The following MSH3 variants were observed in gnomAD, a reference collection of about 807,000 sequenced individuals.
MSH3 encodes mutS homolog 3.
Under a neutral mutation model 123.3 loss-of-function variants are expected in MSH3, and 106 were observed. That is an observed-to-expected ratio of 0.86 (90% CI 0.73 to 1.01). The LOEUF is 1.01. Ranked by LOEUF, MSH3 falls within the 50% of genes least tolerant of loss-of-function variation. MSH3 has a pLI of 0.00. For synonymous variants in MSH3, 515 were observed against 481.4 expected (o/e 1.07, Z -0.91); for missense variants, 1,459 against 1,347.6 (o/e 1.08, Z -1.29).
chr5:80,831,691 C>CAAAA (rs201171665), intron 20 of MSH3, among the ~76,000 whole-genome samples: 3 of 122,710 alleles, frequency 2.4e-5, no homozygotes, highest in Non-Finnish European at 1.7e-5. Flanking sequence ...ATGTAATATC[C>CAAAA]AAAAAAAAAA....
chr5:80,656,014 T>C (rs1281212850), intron 1 of MSH3, among the ~76,000 whole-genome samples: 16 of 152,254 alleles, frequency 1.1e-4, no homozygotes, highest in Admixed American at 1.0e-3. Flanking sequence ...AATGATACTG[T>C]TCTTTTATTA....
At chr5:80,721,774 AATATT>A (rs1288282771) in intron 8 of MSH3, among the ~76,000 whole-genome samples, 1 of 152,232 alleles carries the variant, frequency 6.6e-6, no homozygotes, top group Admixed American at 6.5e-5. Flanking sequence ...ATTTCAATAA[AATATT>A]ATATCAAGGA....
intron 12 of MSH3, among the ~76,000 whole-genome samples, chr5:80,756,523 A>G (rs6151768): frequency 6.6e-6 from 1 of 152,124 alleles, no homozygotes; most frequent in Non-Finnish European, 1.5e-5. Flanking sequence ...TCTTTTATAG[A>G]CAATAGCTAA....
At chr5:80,696,567 C>CAA (rs1561447194) in intron 8 of MSH3, among the ~76,000 whole-genome samples, 1 of 152,140 alleles carries the variant, frequency 6.6e-6, no homozygotes, top group Non-Finnish European at 1.5e-5. Flanking sequence ...CTGGGGAACT[C>CAA]ACCGTCATAC....
At chr5:80,657,857 G>A (rs999630844) in intron 2 of MSH3, among the ~76,000 whole-genome samples, 5 of 136,414 alleles carry the variant, frequency 3.7e-5, no homozygotes, top group East Asian at 3.1e-4. Context: ...GCAAGGAGGC[G>A]TGACTTGAGA....
chr5:80,658,101 C>T (rs1256990730), intron 2 of MSH3, among the ~76,000 whole-genome samples: 1 of 141,530 alleles, frequency 7.1e-6, no homozygotes, highest in Non-Finnish European at 1.5e-5. Flanking sequence ...CTTGTGCAAT[C>T]TCAGCTCACT....
At chr5:80,741,233 G>T (rs1410616345) in intron 10 of MSH3, among the ~76,000 whole-genome samples, 3 of 147,432 alleles carry the variant, frequency 2.0e-5, no homozygotes, top group African/African-American at 5.0e-5. Context: ...TCCTGTTCTT[G>T]TTTTTTTTTT....
intron 8 of MSH3, among the ~76,000 whole-genome samples, chr5:80,712,922 C>T (rs1476539997): frequency 6.6e-6 from 1 of 152,018 alleles, no homozygotes; most frequent in African/African-American, 2.4e-5. Flanking sequence ...GATATTAAAG[C>T]CAGGTTACCT....
At position 80,757,300 on chromosome 5, in the gene MSH3, G is replaced by A. The variant is rs898636249; in HGVS notation, c.1764-4246G>A. 5.3e-5 allele frequency among the ~76,000 whole-genome samples: 8 copies of A among 151,900 alleles called. 1 individual carries two copies. Among genetic ancestry groups the A allele is most frequent in the Non-Finnish European group, 1.5e-5 (1 of 67,964 alleles). On this transcript the variant is annotated intron_variant, in intron 12 of 23. Coordinates refer to ENST00000265081, the MANE Select transcript of MSH3 (RefSeq NM_002439.5). ...AATTGTTGGCTGTAGTCACCCTGTTGCACTCTCAAATACTAGATCTTATTC... is the reference window on the plus strand; with the variant it reads ...AATTGTTGGCTGTAGTCACCCTGTTACACTCTCAAATACTAGATCTTATTC...
intron 3 of MSH3, among the ~76,000 whole-genome samples, chr5:80,669,321 G>A (rs1320851726): frequency 6.6e-6 from 1 of 152,066 alleles, no homozygotes; most frequent in African/African-American, 2.4e-5. Context: ...TTCATTGTAG[G>A]GGGAGCTGGG....
intron 8 of MSH3, among the ~76,000 whole-genome samples, chr5:80,705,703 T>C (rs964712634): frequency 1.3e-5 from 2 of 152,322 alleles, no homozygotes; most frequent in African/African-American, 4.8e-5. Flanking sequence ...TTGAGGACTG[T>C]GAAGGAAGGA....
intron 8 of MSH3, among the ~76,000 whole-genome samples, chr5:80,687,289 G>A (rs1677630): frequency 0.25 from 38,317 of 152,082 alleles, 4,941 homozygotes; most frequent in Middle Eastern, 0.32. Context: ...CAATAGTCTC[G>A]AGCCCTTTAT....
rs745850629 is a variant in MSH3, at chr5:80,725,543, A to C, written c.1431A>C (p.Ala477=). 1.2e-5 allele frequency: 19 copies of C among 1,613,078 alleles called. No homozygotes were observed. Among genetic ancestry groups the C allele is most frequent in the Middle Eastern group, 1.6e-4 (1 of 6,074 alleles). Residue 477 remains alanine, a synonymous_variant, in exon 9 of 24, where the codon GCA becomes GCC. Coordinates refer to ENST00000265081, the MANE Select transcript of MSH3 (RefSeq NM_002439.5). The part of the protein sequence containing the change: ...HAFQAVTEFY[A]KDTVDIKGSQ... Reference sequence around the variant, plus strand: ...TCCAGGCAGTTACAGAGTTTTATGCAAAAGATACAGTTGACATCAAAGGTA... The same window carrying C: ...TCCAGGCAGTTACAGAGTTTTATGCCAAAGATACAGTTGACATCAAAGGTA...
chr5:80,776,015 G>A (rs561518909), intron 16 of MSH3, among the ~76,000 whole-genome samples: 6 of 151,816 alleles, frequency 4.0e-5, no homozygotes, highest in East Asian at 1.9e-4. Context: ...TCAGCCTCCC[G>A]AGTAGCTGGG....
chr5:80,864,653 CA>C (rs937759075), intron 21 of MSH3, among the ~76,000 whole-genome samples, 159 bp from the exon 22 acceptor site: 3 of 152,102 alleles, frequency 2.0e-5, no homozygotes, highest in African/African-American at 7.2e-5. Context: ...AAAATATTAA[CA>C]ATTGATTATC....
At chr5:80,759,117 C>T (rs1240513787) in intron 12 of MSH3, among the ~76,000 whole-genome samples, 2 of 152,178 alleles carry the variant, frequency 1.3e-5, no homozygotes, top group Middle Eastern at 3.4e-3. Flanking sequence ...GAAATTGAAT[C>T]GAATAACTGT....
In MSH3 at chr5:80,697,932, C is replaced by T. The variant is rs534969009; in HGVS notation, c.1340+18839C>T. On this transcript the variant is annotated intron_variant, in intron 8 of 23. Transcript: ENST00000265081. ...CGATGTTATTTATTTATTTTTGAGA[C>T]GGGGTCTCACTCTTCCTCAGGCTGG... 1.1e-4 allele frequency among the ~76,000 whole-genome samples: 16 copies of T among 152,072 alleles called. No individual in the cohort carries two copies. The East Asian group carries it at 1.7e-3, about 17-fold the overall frequency.
chr5:80,748,544 G>A (rs1470423321), intron 12 of MSH3, among the ~76,000 whole-genome samples: 1 of 152,042 alleles, frequency 6.6e-6, no homozygotes, highest in Non-Finnish European at 1.5e-5. Flanking sequence ...AGATTCTTCA[G>A]TGTAGTTGTT....
At chr5:80,842,185 T>C (rs1162420015) in intron 20 of MSH3, among the ~76,000 whole-genome samples, 2 of 152,228 alleles carry the variant, frequency 1.3e-5, no homozygotes, top group Non-Finnish European at 2.9e-5. Context: ...TTGCTTGTTT[T>C]GTCAGGTTTG....
Sources: gnomAD v4.1 joint callset for allele counts (sites outside exome capture counted in the v4.1 genomes callset) on GRCh38, gnomAD v4.1.1 for gene constraint, MANE v1.5 for transcripts, NCBI Gene and HGNC (gene_info 2026-07-23, HGNC 2026-07-21) for gene names.